Variants in ACOXL observed in about 807,000 individuals in gnomAD.
ACOXL encodes acyl-coenzyme A oxidase-like protein.
Under a neutral mutation model 71.9 loss-of-function variants are expected in ACOXL, and 70 were observed. The observed-to-expected ratio is 0.97, with a 90% CI of 0.80 to 1.19. The LOEUF is 1.19. Among genes scored for constraint, ACOXL ranks in the 50% most tolerant of loss-of-function variants. The probability of loss-of-function intolerance (pLI) is 0.00; values close to 1 mark genes in which losing one functional copy is unlikely to be tolerated. For synonymous variants in ACOXL, 253 were observed against 281.6 expected (o/e 0.90, Z 1.02); for missense variants, 703 against 736.3 (o/e 0.95, Z 0.52).
At chr2:110,753,053 T>C (rs13421709) in intron 1 of ACOXL, among the ~76,000 whole-genome samples, 29,550 of 152,110 alleles carry the variant, frequency 0.19, 6,641 homozygotes, top group African/African-American at 0.55. Flanking sequence ...GGGCAAATTC[T>C]TCATGAATGG....
chr2:110,780,450 A>G (rs1407485318), intron 2 of ACOXL, among the ~76,000 whole-genome samples: 1 of 152,226 alleles, frequency 6.6e-6, no homozygotes, highest in Non-Finnish European at 1.5e-5. Flanking sequence ...AAGGATTTAC[A>G]AAAGAGAAAC....
intron 3 of ACOXL, among the ~76,000 whole-genome samples, chr2:110,792,327 T>C (rs1684746162): frequency 6.6e-6 from 1 of 152,184 alleles, no homozygotes; most frequent in African/African-American, 2.4e-5. Context: ...GGCACAGCAA[T>C]GTCCCTACAT....
At chr2:110,854,985 C>G (rs1038807639) in intron 10 of ACOXL, among the ~76,000 whole-genome samples, 1 of 152,156 alleles carries the variant, frequency 6.6e-6, no homozygotes, top group Admixed American at 6.5e-5. Context: ...ATTGACCTAC[C>G]CCATGGGACT....
At chr2:110,790,992 C>T (rs1339623264) in intron 3 of ACOXL, among the ~76,000 whole-genome samples, 1 of 152,288 alleles carries the variant, frequency 6.6e-6, no homozygotes, top group African/African-American at 2.4e-5. Flanking sequence ...TACTTCCCCA[C>T]TTCCCTGTCT....
chr2:110,846,999 A>G (rs1254512626), intron 10 of ACOXL, among the ~76,000 whole-genome samples: 1 of 152,142 alleles, frequency 6.6e-6, no homozygotes, highest in African/African-American at 2.4e-5. Flanking sequence ...TGTAAAGTCA[A>G]GCCATTTTCA....
rs1420001637 is a variant in ACOXL, at chr2:111,045,806, GT to G, written c.1370-3407del. Reference sequence around the variant, plus strand: ...TGTTGGGCCTCTGTTCTGAAGGTTGGTTTTTGTCATCTGTGTAGAAAGGGCT... The same window carrying G: ...TGTTGGGCCTCTGTTCTGAAGGTTGGTTTTGTCATCTGTGTAGAAAGGGCT... On this transcript the variant is annotated intron_variant, in intron 15 of 17. Coordinates refer to ENST00000439055, the MANE Select transcript of ACOXL (RefSeq NM_001142807.4). Among the ~76,000 whole-genome samples the G allele has an allele frequency of 2.6e-5, 4 of 152,284 alleles. No homozygotes were observed. The East Asian group carries it at 7.7e-4, about 29-fold the overall frequency.
At chr2:111,083,273 CA>C (rs771665352) in intron 16 of ACOXL, among the ~76,000 whole-genome samples, 1 of 152,058 alleles carries the variant, frequency 6.6e-6, no homozygotes, top group African/African-American at 2.4e-5. Context: ...GGGGCTGTGT[CA>C]GGGGTCCCCA....
chr2:111,023,532 G>A (rs369123957), intron 14 of ACOXL, among the ~76,000 whole-genome samples: 10 of 152,304 alleles, frequency 6.6e-5, no homozygotes, highest in African/African-American at 2.2e-4. Context: ...TGAGGAAGGG[G>A]CCATCTGTGG....
At chr2:110,990,156 T>C (rs1270650038) in intron 13 of ACOXL, among the ~76,000 whole-genome samples, 1 of 152,218 alleles carries the variant, frequency 6.6e-6, no homozygotes, top group African/African-American at 2.4e-5. Flanking sequence ...ATTAAATCTA[T>C]ATACTTGCAG....
Position 110,941,170 on chromosome 2 carries a change from A to G in ACOXL, c.1059+7528A>G, listed in dbSNP as rs570585283. Among the ~76,000 whole-genome samples, 144 of 152,338 alleles carry G rather than the reference A, an allele frequency of 9.5e-4. 2 individuals carry two copies. Among genetic ancestry groups the G allele is most frequent in the African/African-American group, 3.4e-3 (140 of 41,560 alleles). On this transcript the variant is annotated intron_variant, in intron 12 of 17. Transcript: ENST00000439055. ...TTAAGAATCATTGCTAAGTATTGCTAAATTCTCTTTATGTGCAGAACAGTG... is the reference window on the plus strand; with the variant it reads ...TTAAGAATCATTGCTAAGTATTGCTGAATTCTCTTTATGTGCAGAACAGTG...
At chr2:110,933,220 T>G (rs1440244779) in intron 11 of ACOXL, among the ~76,000 whole-genome samples, 1 of 152,192 alleles carries the variant, frequency 6.6e-6, no homozygotes, top group African/African-American at 2.4e-5. Flanking sequence ...ATCCTGCAAC[T>G]TTTTCTCTAT....
intron 14 of ACOXL, among the ~76,000 whole-genome samples, chr2:111,006,177 G>T (rs1381210441): frequency 6.6e-6 from 1 of 152,232 alleles, no homozygotes; most frequent in South Asian, 2.1e-4. Context: ...TGATGGAGGG[G>T]CTCTCTTTGT....
chr2:110,918,544 T>C (rs2059948204), intron 11 of ACOXL, among the ~76,000 whole-genome samples: 1 of 152,146 alleles, frequency 6.6e-6, no homozygotes, highest in Admixed American at 6.5e-5. Flanking sequence ...AAAGCCAAAA[T>C]TGACAAATGG....
chr2:111,059,390 A>G (rs2149873636), intron 16 of ACOXL, among the ~76,000 whole-genome samples: 1 of 152,326 alleles, frequency 6.6e-6, no homozygotes, highest in African/African-American at 2.4e-5. Flanking sequence ...ACAAAACATA[A>G]CATTCAATAT....
At chr2:111,003,186 G>C (rs1456271189) in intron 14 of ACOXL, among the ~76,000 whole-genome samples, 1 of 152,106 alleles carries the variant, frequency 6.6e-6, no homozygotes. Flanking sequence ...ACACACACAT[G>C]AGTAAGTTTC....
intron 17 of ACOXL, chr2:111,115,479 G>A (rs1045884284): frequency 2.6e-5 from 4 of 152,150 alleles, no homozygotes; most frequent in Admixed American, 2.0e-4. Context: ...AACCTCTAAA[G>A]TCCAGAATTG....
Position 110,933,584 on chromosome 2 carries a change from A to G in ACOXL, c.1001A>G (p.Tyr334Cys). Residue 334 changes from tyrosine to cysteine, a missense_variant, in exon 12 of 18, where the codon TAC becomes TGC. Transcript: ENST00000439055. Reference protein sequence around the residue: ...LQALVAGLKAYSTWENIRCLQ... With the variant: ...LQALVAGLKACSTWENIRCLQ... ...GCTCTGGTGGCGGGGCTGAAGGCCT[A>G]CAGCACCTGGGAGAACATCCGCTGC... 6.2e-7 allele frequency: 1 copy of G among 1,613,956 alleles called. No individual in the cohort carries two copies. The highest frequency in any genetic ancestry group is 8.5e-7 in the Non-Finnish European group (1 of 1,179,998).
At chr2:111,038,933 C>T (rs2065651668) in intron 15 of ACOXL, among the ~76,000 whole-genome samples, 1 of 152,146 alleles carries the variant, frequency 6.6e-6, no homozygotes, top group Admixed American at 6.5e-5. Flanking sequence ...CTGTTGACAA[C>T]CAGATTTTCT....
At chr2:110,970,843 TAA>T (rs1306183894) in intron 12 of ACOXL, among the ~76,000 whole-genome samples, 1 of 152,146 alleles carries the variant, frequency 6.6e-6, no homozygotes, top group Non-Finnish European at 1.5e-5. Flanking sequence ...TACTTAAATA[TAA>T]AATGTAAAAT....
Sources: gnomAD v4.1 joint callset for allele counts (sites outside exome capture counted in the v4.1 genomes callset) on GRCh38, gnomAD v4.1.1 for gene constraint, MANE v1.5 for transcripts, NCBI Gene and HGNC (gene_info 2026-07-23, HGNC 2026-07-21) for gene names.